Variants in FOXN3 observed in about 807,000 individuals in gnomAD.
The protein encoded by FOXN3 is forkhead box N3.
In FOXN3, 7 loss-of-function variants were observed where a neutral mutation model predicts 38.4. The ratio of observed to expected loss-of-function variants is 0.18; its 90% CI spans 0.10 to 0.34. FOXN3 has a LOEUF of 0.34. Among genes scored for constraint, FOXN3 ranks in the 10% least tolerant of loss-of-function variants. The pLI, the probability that FOXN3 is intolerant of heterozygous loss-of-function variation, is 1.00. For synonymous variants in FOXN3, 230 were observed against 242.2 expected (o/e 0.95, Z 0.47); for missense variants, 456 against 613.4 (o/e 0.74, Z 2.71).
chr14:89,458,217 C>T (rs1892767334), intron 1 of FOXN3, among the ~76,000 whole-genome samples: 1 of 152,068 alleles, frequency 6.6e-6, no homozygotes, highest in African/African-American at 2.4e-5. Context: ...GGCTTTTTCC[C>T]CCATAAGAAA....
chr14:89,467,648 C>T (rs1394175667), intron 1 of FOXN3, among the ~76,000 whole-genome samples: 1 of 148,802 alleles, frequency 6.7e-6, no homozygotes, highest in Non-Finnish European at 1.5e-5. Context: ...CATATGGGGT[C>T]TCACTGTGTT....
At chr14:89,369,626 G>A (rs982407942) in intron 2 of FOXN3, among the ~76,000 whole-genome samples, 10 of 152,004 alleles carry the variant, frequency 6.6e-5, no homozygotes, top group Non-Finnish European at 1.3e-4. Context: ...ATGGTGGAAG[G>A]CAAAAGGCAT....
At chr14:89,297,612 G>A (rs1596163864) in intron 3 of FOXN3, among the ~76,000 whole-genome samples, 1 of 151,204 alleles carries the variant, frequency 6.6e-6, no homozygotes, top group Non-Finnish European at 1.5e-5. Context: ...TAACAGTTCC[G>A]ATTCTGGATA....
chr14:89,593,071 G>A (rs1186463977), intron 1 of FOXN3, among the ~76,000 whole-genome samples: 2 of 144,226 alleles, frequency 1.4e-5, no homozygotes, highest in Admixed American at 7.0e-5. Flanking sequence ...CAAGGAGGGA[G>A]GGAGGGAATG....
chr14:89,617,663 T>C (rs1313771940), intron 1 of FOXN3, among the ~76,000 whole-genome samples: 2 of 152,226 alleles, frequency 1.3e-5, no homozygotes, highest in Non-Finnish European at 2.9e-5. Flanking sequence ...TGTAAAGTGC[T>C]GTGTATACGT....
chr14:89,599,613 TCTA>T (rs1896121399), intron 1 of FOXN3, among the ~76,000 whole-genome samples: 1 of 152,204 alleles, frequency 6.6e-6, no homozygotes, highest in Admixed American at 6.5e-5. Context: ...GTCTATTATT[TCTA>T]CTGACTGACA....
Position 89,170,340 on chromosome 14 carries a change from T to C in FOXN3, c.852-7371A>G, listed in dbSNP as rs191000807. ...CGCACACACACACAAAAGTTTCATATGGAGAAGATTTGACATAAACATAGA... is the reference window on the plus strand; with the variant it reads ...CGCACACACACACAAAAGTTTCATACGGAGAAGATTTGACATAAACATAGA... On this transcript the variant is annotated intron_variant, in intron 5 of 5. Coordinates refer to ENST00000557258, the MANE Select transcript of FOXN3 (RefSeq NM_005197.4). 3.8e-3 allele frequency among the ~76,000 whole-genome samples: 573 copies of C among 152,330 alleles called. 5 individuals carry two copies. Among genetic ancestry groups the C allele is most frequent in the Non-Finnish European group, 5.2e-3 (351 of 68,026 alleles).
In FOXN3 at chr14:89,269,796, CTA is replaced by C. The variant is rs202101660; in HGVS notation, c.745+11152_745+11153del. The stretch of plus-strand genomic sequence containing the variant: ...TCCTTTGAGATGCCATGAACCCCGA[CTA>C]TGCTTGTGCAGAATGAACCTGTTAC... On this transcript the variant is annotated intron_variant, in intron 4 of 5. Transcript: ENST00000557258. 9.4e-3 allele frequency among the ~76,000 whole-genome samples: 1,434 copies of C among 152,272 alleles called. 8 individuals are homozygous for C. Among genetic ancestry groups the C allele is most frequent in the Middle Eastern group, 0.024 (7 of 294 alleles).
intron 1 of FOXN3, among the ~76,000 whole-genome samples, chr14:89,554,104 C>T (rs911735078): frequency 1.3e-5 from 2 of 152,086 alleles, no homozygotes; most frequent in Non-Finnish European, 2.9e-5. Flanking sequence ...TGAGTTCAAG[C>T]GATTCTCCTG....
In FOXN3 at chr14:89,178,628, G is replaced by GT. The variant is rs150125773; in HGVS notation, c.851+2072dup. Among the ~76,000 whole-genome samples the GT allele has an allele frequency of 9.8e-3, 1,487 of 152,302 alleles. 27 individuals are homozygous for GT. Among genetic ancestry groups the GT allele is most frequent in the African/African-American group, 0.034 (1,413 of 41,562 alleles). ...GGCAACTTTCAACAGAAACAAGACT[G>GT]TTTGCTGCAGTGCTTTGTTATTCTC... is the stretch of plus-strand genomic sequence containing the variant. On this transcript the variant is annotated intron_variant, in intron 5 of 5. Transcript: ENST00000557258.
In FOXN3 at chr14:89,331,758, A is replaced by G. The variant is rs116045079; in HGVS notation, c.680+18914T>C. On this transcript the variant is annotated intron_variant, in intron 3 of 5. Transcript: ENST00000557258. ...ACATAACTGAAACAAAGGTTTCACA[A>G]AATAATAGCCTCCTCTGTGCAATGC... Among the ~76,000 whole-genome samples, 591 of 152,350 alleles carry G rather than the reference A, an allele frequency of 3.9e-3. 2 individuals carry two copies. The highest frequency in any genetic ancestry group is 0.014 in the African/African-American group (564 of 41,574).
At chr14:89,600,753 T>C (rs145454760) in intron 1 of FOXN3, among the ~76,000 whole-genome samples, 428 of 152,278 alleles carry the variant, frequency 2.8e-3, no homozygotes, top group Non-Finnish European at 5.1e-3. Flanking sequence ...CTATATACTA[T>C]TAATGCCCTT....
chr14:89,350,699 G>A lies in FOXN3; in HGVS notation c.653C>T (p.Pro218Leu), dbSNP rs752781788. 5 of 1,579,582 alleles carry A rather than the reference G, an allele frequency of 3.2e-6. No homozygotes were observed. The African/African-American group carries it at 6.9e-5, about 22-fold the overall frequency. ...YHPHPHVFNT[P>L]PTCPQAYQST... ...TTGATATGCCTGAGGACAGGTGGGA[G>A]GTGTATTGAACACGTGTGGGTGTGG... Residue 218 changes from proline (P) to leucine (L), a missense_variant, in exon 3 of 6, where the codon CCT (proline) becomes CTT (leucine). By Grantham distance (98) the Pro-to-Leu change is moderately conservative. Coordinates refer to ENST00000557258, the MANE Select transcript of FOXN3 (RefSeq NM_005197.4).
chr14:89,345,356 TAA>T (rs928359802), intron 3 of FOXN3, among the ~76,000 whole-genome samples: 26 of 140,218 alleles, frequency 1.9e-4, no homozygotes, highest in Non-Finnish European at 1.7e-4. Context: ...GAGACTGCTT[TAA>T]AAAAAAAAAA....
chr14:89,394,392 A>G lies in FOXN3; in HGVS notation c.543+17542T>C, dbSNP rs1891050049. ...CTAATTTTTTTTGTATTTTTAGTAG[A>G]GATGGGGTTTCGCCATGTTGGCCAG... On this transcript the variant is annotated intron_variant, in intron 2 of 5. Coordinates refer to ENST00000557258, the MANE Select transcript of FOXN3 (RefSeq NM_005197.4). 2.6e-5 allele frequency among the ~76,000 whole-genome samples: 4 copies of G among 151,786 alleles called. No individual in the cohort carries two copies. In the South Asian group the frequency reaches 8.3e-4, roughly 32 times the overall value.
At chr14:89,387,488 T>C (rs1267079489) in intron 2 of FOXN3, among the ~76,000 whole-genome samples, 1 of 152,218 alleles carries the variant, frequency 6.6e-6, no homozygotes, top group Non-Finnish European at 1.5e-5. Context: ...ATTACCTTGC[T>C]GAAGGACACA....
At chr14:89,341,752 T>C (rs1413226314) in intron 3 of FOXN3, among the ~76,000 whole-genome samples, 5 of 152,232 alleles carry the variant, frequency 3.3e-5, no homozygotes, top group African/African-American at 4.8e-5. Context: ...GTTGATTTCA[T>C]GCACTTTTGA....
At chr14:89,249,117 G>A (rs1012665231) in intron 4 of FOXN3, among the ~76,000 whole-genome samples, 2 of 152,158 alleles carry the variant, frequency 1.3e-5, no homozygotes, top group African/African-American at 4.8e-5. Flanking sequence ...TATTTCAGGG[G>A]CTCATTCAAA....
intron 3 of FOXN3, among the ~76,000 whole-genome samples, chr14:89,321,297 A>G (rs1887888342): frequency 6.6e-6 from 1 of 151,742 alleles, no homozygotes; most frequent in African/African-American, 2.4e-5. Context: ...TATATTAAAA[A>G]ATAAAAAAAA....
Sources: allele counts gnomAD v4.1 joint callset (sites outside exome capture counted in the v4.1 genomes callset), GRCh38; gene constraint gnomAD v4.1.1; transcripts MANE v1.5; gene names NCBI Gene and HGNC (gene_info 2026-07-23, HGNC 2026-07-21).